Variants in KCTD16 observed in about 807,000 individuals in gnomAD.
The protein encoded by KCTD16 is BTB/POZ domain-containing protein KCTD16.
Under a neutral mutation model 33.2 loss-of-function variants are expected in KCTD16, and 13 were observed. The ratio of observed to expected loss-of-function variants is 0.39; its 90% CI spans 0.25 to 0.62. The LOEUF (loss-of-function observed/expected upper bound fraction) is 0.62, where lower values mean the gene tolerates loss of function less well. Among genes scored for constraint, KCTD16 ranks in the 20% least tolerant of loss-of-function variants. The pLI is 0.50. For missense variants in KCTD16, 441 were observed against 525.1 expected, an observed-to-expected ratio of 0.84 and a Z score of 1.57; for synonymous variants, 197 against 195.3, an observed-to-expected ratio of 1.01 and a Z score of -0.07.
chr5:144,180,377 C>G (rs1420057413), intron 2 of KCTD16, among the ~76,000 whole-genome samples: 1 of 152,086 alleles, frequency 6.6e-6, no homozygotes, highest in Non-Finnish European at 1.5e-5. Context: ...TAGTTCATTT[C>G]CTTAAATTCT....
intron 3 of KCTD16, among the ~76,000 whole-genome samples, chr5:144,393,963 CTTTT>C (rs70995050): frequency 8.2e-6 from 1 of 121,972 alleles, no homozygotes; most frequent in Non-Finnish European, 1.7e-5. Context: ...TTTCTTTTTT[CTTTT>C]TTTTTTTTTT....
At position 144,222,549 on chromosome 5, in the gene KCTD16, C is replaced by G. The variant is rs557714770; in HGVS notation, c.832+15003C>G. 8.1e-4 allele frequency among the ~76,000 whole-genome samples: 124 copies of G among 152,286 alleles called. 1 individual carries two copies. The highest frequency in any genetic ancestry group is 2.9e-3 in the African/African-American group (120 of 41,546). On this transcript the variant is annotated intron_variant, in intron 3 of 3. Coordinates refer to ENST00000512467, the MANE Select transcript of KCTD16 (RefSeq NM_020768.4). ...AACAGACACATGAAAAAATGCTCATCATTGCTGGCCATCAGAGAAATGCAA... is the reference window on the plus strand; with the variant it reads ...AACAGACACATGAAAAAATGCTCATGATTGCTGGCCATCAGAGAAATGCAA...
intron 3 of KCTD16, among the ~76,000 whole-genome samples, chr5:144,379,417 A>G (rs1044672183): frequency 2.6e-5 from 4 of 152,176 alleles, no homozygotes; most frequent in African/African-American, 9.7e-5. Flanking sequence ...TGTCCTATAA[A>G]TAAGCTTTGT....
intron 2 of KCTD16, among the ~76,000 whole-genome samples, chr5:144,200,297 G>A (rs1051917162): frequency 1.3e-5 from 2 of 152,178 alleles, no homozygotes; most frequent in African/African-American, 2.4e-5. Context: ...GAAATCAGGA[G>A]TATTTTCAGG....
At position 144,399,225 on chromosome 5, in the gene KCTD16, A is replaced by G. The variant is rs540366330; in HGVS notation, c.833-74435A>G. On this transcript the variant is annotated intron_variant, in intron 3 of 3. Coordinates refer to ENST00000512467, the MANE Select transcript of KCTD16 (RefSeq NM_020768.4). ...TATACAGGTTACCTAGCATAAGATA[A>G]TTCACATAAAATTTTGTTTTTCTCC... Among the ~76,000 whole-genome samples, 10 of 152,312 alleles carry G rather than the reference A, an allele frequency of 6.6e-5. No homozygotes were observed. The East Asian group carries it at 1.9e-3, about 29-fold the overall frequency.
intron 3 of KCTD16, among the ~76,000 whole-genome samples, chr5:144,326,137 A>G (rs1752202491): frequency 6.6e-6 from 1 of 152,182 alleles, no homozygotes; most frequent in Non-Finnish European, 1.5e-5. Flanking sequence ...ATATTTTATA[A>G]AATATTTGGC....
chr5:144,221,728 C>T (rs193136173), intron 3 of KCTD16, among the ~76,000 whole-genome samples: 617 of 152,248 alleles, frequency 4.1e-3, no homozygotes, highest in Middle Eastern at 6.8e-3. Flanking sequence ...AATAAACATA[C>T]GTGTGCATGT....
chr5:144,223,964 C>T (rs942382141), intron 3 of KCTD16, among the ~76,000 whole-genome samples: 1 of 151,734 alleles, frequency 6.6e-6, no homozygotes, highest in South Asian at 2.1e-4. Context: ...TAAAAAAACC[C>T]GACCCAGATG....
At chr5:144,253,489 G>C (rs1224144404) in intron 3 of KCTD16, among the ~76,000 whole-genome samples, 1 of 152,152 alleles carries the variant, frequency 6.6e-6, no homozygotes, top group Non-Finnish European at 1.5e-5. Flanking sequence ...TTCTCACCAA[G>C]CTGATAGCTT....
At chr5:144,409,819 AAACAACAACAAC>A (rs60399517) in intron 3 of KCTD16, among the ~76,000 whole-genome samples, 7 of 151,996 alleles carry the variant, frequency 4.6e-5, no homozygotes, top group South Asian at 4.2e-4. Context: ...CTCTGTCTCA[AAACAACAACAAC>A]AACAACAACA....
intron 3 of KCTD16, among the ~76,000 whole-genome samples, chr5:144,363,503 C>T (rs1457230545): frequency 6.6e-6 from 1 of 151,948 alleles, no homozygotes; most frequent in Non-Finnish European, 1.5e-5. Flanking sequence ...GCTCTCTAAC[C>T]AGGCATAGAT....
chr5:144,432,630 A>G (rs550524036), intron 3 of KCTD16, among the ~76,000 whole-genome samples: 1 of 150,828 alleles, frequency 6.6e-6, no homozygotes, highest in East Asian at 1.9e-4. Context: ...CAAAAACATA[A>G]CACTAAATGT....
rs776408063 is a variant in KCTD16, at chr5:144,478,767, A to G, written c.*4653A>G. 6.6e-5 allele frequency: 10 copies of G among 152,028 alleles called. No individual in the cohort carries two copies. Among genetic ancestry groups the G allele is most frequent in the Non-Finnish European group, 1.2e-4 (8 of 67,954 alleles). The allele number at this position is 152,028 out of a possible 1,614,324, so 9.4% of individuals were successfully genotyped here. A position where few individuals can be genotyped will look rare whatever the true frequency, so the allele number is the denominator to read the frequency against. ...TTCTCTTACTTTCTTCCCACTACAA[A>G]TAAGTCAAAGCATGCATTATTCATT... is the stretch of plus-strand genomic sequence containing the variant. On this transcript the variant is annotated 3_prime_UTR_variant, in exon 4 of 4. Coordinates refer to ENST00000512467, the MANE Select transcript of KCTD16 (RefSeq NM_020768.4).
intron 3 of KCTD16, among the ~76,000 whole-genome samples, chr5:144,230,595 G>A (rs1221758403): frequency 2.0e-5 from 3 of 147,854 alleles, no homozygotes; most frequent in African/African-American, 7.4e-5. Context: ...AATAGGAAAA[G>A]TTTTTTTTTT....
At chr5:144,310,493 G>T (rs1751734401) in intron 3 of KCTD16, among the ~76,000 whole-genome samples, 2 of 151,962 alleles carry the variant, frequency 1.3e-5, no homozygotes, top group Non-Finnish European at 2.9e-5. Flanking sequence ...TTCTATAGTG[G>T]CTATGCTAAT....
At chr5:144,417,377 C>A (rs1753082812) in intron 3 of KCTD16, among the ~76,000 whole-genome samples, 1 of 152,056 alleles carries the variant, frequency 6.6e-6, no homozygotes, top group Non-Finnish European at 1.5e-5. Flanking sequence ...CTAATGAAAT[C>A]AGGCATCTTT....
chr5:144,204,092 C>T (rs1343166903), intron 2 of KCTD16, among the ~76,000 whole-genome samples: 1 of 152,100 alleles, frequency 6.6e-6, no homozygotes, highest in East Asian at 1.9e-4. Flanking sequence ...GTTCAGTAAC[C>T]CAATGCTTAT....
chr5:144,322,978 G>A (rs73792392), intron 3 of KCTD16, among the ~76,000 whole-genome samples: 15,955 of 151,904 alleles, frequency 0.11, 2,123 homozygotes, highest in African/African-American at 0.31. Context: ...AACTCCTATG[G>A]GCCCATTGAT....
intron 3 of KCTD16, among the ~76,000 whole-genome samples, chr5:144,222,757 A>G (rs1753800913): frequency 6.6e-6 from 1 of 152,242 alleles, no homozygotes. Flanking sequence ...ATCCAGAACT[A>G]GAAATACCAT....
Sources: gnomAD v4.1 joint callset for allele counts (sites outside exome capture counted in the v4.1 genomes callset) on GRCh38, gnomAD v4.1.1 for gene constraint, MANE v1.5 for transcripts, NCBI Gene and HGNC (gene_info 2026-07-23, HGNC 2026-07-21) for gene names.